Variants in ARHGAP42 observed in about 807,000 individuals in gnomAD.
ARHGAP42 encodes the protein rho GTPase-activating protein 42.
Under a neutral mutation model 125.0 loss-of-function variants are expected in ARHGAP42, and 63 were observed. That is an observed-to-expected ratio of 0.50 (90% CI 0.41 to 0.62). The LOEUF (loss-of-function observed/expected upper bound fraction) is 0.62, where lower values mean the gene tolerates loss of function less well. Ranked by LOEUF, ARHGAP42 falls within the 20% of genes least tolerant of loss-of-function variation. ARHGAP42 has a pLI of 0.00. For synonymous variants in ARHGAP42, 339 were observed against 351.0 expected (o/e 0.97, Z 0.38); for missense variants, 766 against 1,024.2 (o/e 0.75, Z 3.44).
chr11:100,704,230 A>G (rs1233674120), intron 1 of ARHGAP42, among the ~76,000 whole-genome samples: 1 of 152,178 alleles, frequency 6.6e-6, no homozygotes, highest in Non-Finnish European at 1.5e-5. Context: ...AAACAAAACA[A>G]TATTTAAAAG....
intron 3 of ARHGAP42, among the ~76,000 whole-genome samples, chr11:100,803,886 T>C (rs1396915191): frequency 6.6e-6 from 1 of 152,212 alleles, no homozygotes; most frequent in Non-Finnish European, 1.5e-5. Context: ...AGTGAACTTA[T>C]TTCTTTTATT....
chr11:100,850,237 T>C (rs183702022), intron 3 of ARHGAP42, among the ~76,000 whole-genome samples: 177 of 152,270 alleles, frequency 1.2e-3, no homozygotes, highest in African/African-American at 4.1e-3. Context: ...TTTGAAGATA[T>C]AGAAATTAGA....
intron 2 of ARHGAP42, among the ~76,000 whole-genome samples, chr11:100,770,681 G>A (rs1565206748): frequency 6.6e-6 from 1 of 152,092 alleles, no homozygotes; most frequent in South Asian, 2.1e-4. Flanking sequence ...GGGTTCAAGT[G>A]GTTCTCCTGT....
intron 1 of ARHGAP42, among the ~76,000 whole-genome samples, chr11:100,704,850 AC>A (rs1256637855): frequency 3.0e-5 from 2 of 67,500 alleles, no homozygotes; most frequent in African/African-American, 1.3e-4. Flanking sequence ...GGTGGCATGC[AC>A]CTATAGTCCT....
At chr11:100,949,555 A>G (rs913514469) in intron 11 of ARHGAP42, among the ~76,000 whole-genome samples, 2 of 152,164 alleles carry the variant, frequency 1.3e-5, no homozygotes, top group African/African-American at 4.8e-5. Context: ...GTGTACATTG[A>G]GAACAGGCTA....
chr11:100,784,466 G>C (rs1260748413), intron 2 of ARHGAP42, among the ~76,000 whole-genome samples: 1 of 152,104 alleles, frequency 6.6e-6, no homozygotes, highest in Non-Finnish European at 1.5e-5. Context: ...TCCTTATATG[G>C]GTATGTAAGA....
At chr11:100,764,126 A>G (rs1236727771) in intron 1 of ARHGAP42, among the ~76,000 whole-genome samples, 2 of 150,776 alleles carry the variant, frequency 1.3e-5, no homozygotes, top group Non-Finnish European at 2.9e-5. Context: ...TTGCTCAGTG[A>G]TCTTCCCACC....
intron 4 of ARHGAP42, among the ~76,000 whole-genome samples, chr11:100,893,968 C>G (rs1198057839): frequency 6.6e-6 from 1 of 152,050 alleles, no homozygotes. Context: ...ATGAATCACC[C>G]CATGCCTGAG....
At chr11:100,827,970 T>C (rs1016600122) in intron 3 of ARHGAP42, among the ~76,000 whole-genome samples, 3 of 152,204 alleles carry the variant, frequency 2.0e-5, no homozygotes, top group Non-Finnish European at 2.9e-5. Context: ...AGAGGCTTTT[T>C]ATTTCCTAAG....
intron 1 of ARHGAP42, among the ~76,000 whole-genome samples, chr11:100,722,091 A>G (rs1317503171): frequency 3.9e-5 from 6 of 152,198 alleles, no homozygotes. Flanking sequence ...GTTGCTGTAT[A>G]TCCTTGCCAG....
chr11:100,695,837 T>G (rs1861269140), intron 1 of ARHGAP42, among the ~76,000 whole-genome samples: 1 of 152,134 alleles, frequency 6.6e-6, no homozygotes, highest in South Asian at 2.1e-4. Flanking sequence ...TGGGAACACA[T>G]AAGAGAGGAA....
chr11:100,820,086 C>A (rs945380904), intron 3 of ARHGAP42, among the ~76,000 whole-genome samples: 2 of 152,036 alleles, frequency 1.3e-5, no homozygotes, highest in Non-Finnish European at 2.9e-5. Context: ...ATAATAAAGG[C>A]TTGGGTTTCA....
At chr11:100,775,685 G>A (rs1863101924) in intron 2 of ARHGAP42, among the ~76,000 whole-genome samples, 2 of 152,214 alleles carry the variant, frequency 1.3e-5, no homozygotes, top group Non-Finnish European at 2.9e-5. Context: ...CATTGATTTA[G>A]CACATTAGTG....
At chr11:100,747,750 G>C (rs1344779918) in intron 1 of ARHGAP42, among the ~76,000 whole-genome samples, 1 of 152,088 alleles carries the variant, frequency 6.6e-6, no homozygotes, top group Non-Finnish European at 1.5e-5. Context: ...CACATAAACT[G>C]TTTCTTCAAT....
chr11:100,870,337 C>G (rs1197339342), intron 4 of ARHGAP42, among the ~76,000 whole-genome samples: 1 of 152,162 alleles, frequency 6.6e-6, no homozygotes, highest in African/African-American at 2.4e-5. Flanking sequence ...AACTTTGTAT[C>G]TTCTCTGCAT....
chr11:100,759,088 A>T (rs1167719164), intron 1 of ARHGAP42, among the ~76,000 whole-genome samples: 1 of 152,126 alleles, frequency 6.6e-6, no homozygotes, highest in Non-Finnish European at 1.5e-5. Flanking sequence ...TGGATGTTTT[A>T]TAAGGCAATG....
intron 6 of ARHGAP42, 68 bp from the exon 7 acceptor site, chr11:100,933,088 C>A: frequency 9.2e-7 from 1 of 1,091,838 alleles, no homozygotes; most frequent in Non-Finnish European, 1.3e-6. Flanking sequence ...AATTTTCTCC[C>A]TATTTTATAT....
In ARHGAP42 at chr11:100,913,518, T is replaced by C; in HGVS notation, c.451T>C (p.Leu151=). 1 of 1,297,538 alleles carries C rather than the reference T, an allele frequency of 7.7e-7. No individual in the cohort carries two copies. Among genetic ancestry groups the C allele is most frequent in the Non-Finnish European group, 1.0e-6 (1 of 986,180 alleles). The allele number at this position is 1,297,538 out of a possible 1,614,324, so 80.4% of individuals were successfully genotyped here. A position where few individuals can be genotyped will look rare whatever the true frequency, so the allele number is the denominator to read the frequency against. The stretch of plus-strand genomic sequence containing the variant: ...CTCTATCCTTGAAAAGCATTTAAAT[T>C]TGTCCGCAAAGAAAAAGGAGTCTCA... ...YYSILEKHLN[L]SAKKKESHLQ... is the part of the protein sequence containing the mutation. The change falls in exon 5 of 24, where the codon TTG becomes CTG. Residue 151 remains leucine, a synonymous_variant. Transcript: ENST00000298815.
At chr11:100,766,840 A>C (rs1457019717) in intron 1 of ARHGAP42, among the ~76,000 whole-genome samples, 7 of 152,206 alleles carry the variant, frequency 4.6e-5, no homozygotes, top group Admixed American at 4.6e-4. Context: ...CATATTTCAG[A>C]CATCCCCTTC....
Sources: allele counts gnomAD v4.1 joint callset (sites outside exome capture counted in the v4.1 genomes callset), GRCh38; gene constraint gnomAD v4.1.1; transcripts MANE v1.5; gene names NCBI Gene and HGNC (gene_info 2026-07-23, HGNC 2026-07-21).